The following SHLD2 variants were observed in gnomAD, a reference collection of about 807,000 sequenced individuals.
The protein encoded by SHLD2 is RINN1-REV7-interacting novel NHEJ regulator 2.
In SHLD2, 30 loss-of-function variants were observed where a neutral mutation model predicts 73.2. That is an observed-to-expected ratio of 0.41 (90% CI 0.31 to 0.56). The LOEUF (loss-of-function observed/expected upper bound fraction) is 0.56, where lower values mean the gene tolerates loss of function less well. SHLD2 is among the 20% of genes least tolerant of loss of function. The pLI is 0.28. For missense variants in SHLD2, 745 were observed against 1,055.9 expected, an observed-to-expected ratio of 0.71 and a Z score of 4.08; for synonymous variants, 285 against 370.1, an observed-to-expected ratio of 0.77 and a Z score of 2.64.
chr10:87,147,088 A>C (rs1476913683), intron 2 of SHLD2, among the ~76,000 whole-genome samples: 17 of 138,204 alleles, frequency 1.2e-4, no homozygotes, highest in African/African-American at 2.7e-4. Context: ...AAAAAAAAAA[A>C]CAAAAAAACC....
chr10:87,179,464 C>T (rs916924727), intron 7 of SHLD2, among the ~76,000 whole-genome samples: 2 of 150,394 alleles, frequency 1.3e-5, no homozygotes, highest in African/African-American at 2.5e-5. Context: ...TGCAGTGGTG[C>T]GATCTCGGCT....
chr10:87,102,204 C>T (rs1416272427), intron 2 of SHLD2, among the ~76,000 whole-genome samples: 3 of 152,090 alleles, frequency 2.0e-5, no homozygotes, highest in Non-Finnish European at 2.9e-5. Context: ...TAATAGATAA[C>T]CTATTACAAA....
chr10:87,111,470 CT>C (rs1310204915), intron 2 of SHLD2, among the ~76,000 whole-genome samples: 6 of 151,500 alleles, frequency 4.0e-5, no homozygotes, highest in Non-Finnish European at 7.4e-5. Context: ...GTGAAACCCC[CT>C]CTCTACTACA....
intron 2 of SHLD2, among the ~76,000 whole-genome samples, chr10:87,110,393 A>G (rs1369711946): frequency 1.3e-5 from 2 of 152,132 alleles, no homozygotes; most frequent in African/African-American, 4.8e-5. Context: ...GCGGATCACA[A>G]GGTCAAGAGT....
intron 2 of SHLD2, among the ~76,000 whole-genome samples, chr10:87,144,255 G>A (rs1845415963): frequency 6.6e-6 from 1 of 152,110 alleles, no homozygotes; most frequent in Admixed American, 6.6e-5. Flanking sequence ...AAATGCCCTG[G>A]AACAAGAGTG....
chr10:87,101,463 G>A (rs1842261191), intron 2 of SHLD2, among the ~76,000 whole-genome samples: 1 of 152,178 alleles, frequency 6.6e-6, no homozygotes, highest in Non-Finnish European at 1.5e-5. Flanking sequence ...GTCTTACTGT[G>A]TGGCCCAGTA....
At chr10:87,147,869 A>G (rs1037890235) in intron 2 of SHLD2, among the ~76,000 whole-genome samples, 1 of 146,698 alleles carries the variant, frequency 6.8e-6, no homozygotes. Context: ...AGCTCCTATC[A>G]CTTTTTTTTT....
At chr10:87,156,869 A>G (rs1846468331) in intron 3 of SHLD2, among the ~76,000 whole-genome samples, 1 of 152,110 alleles carries the variant, frequency 6.6e-6, no homozygotes, top group Non-Finnish European at 1.5e-5. Flanking sequence ...ATGCTCTGAT[A>G]TATCACTCGC....
At chr10:87,154,911 T>A (rs1846292102) in intron 3 of SHLD2, among the ~76,000 whole-genome samples, 1 of 152,116 alleles carries the variant, frequency 6.6e-6, no homozygotes, top group South Asian at 2.1e-4. Flanking sequence ...TGTACCTTGG[T>A]GTTCCTGTAG....
rs1334915850 is a variant in SHLD2, at chr10:87,112,471, C to G, written c.-6+15482C>G. The stretch of plus-strand genomic sequence containing the variant: ...CTTGAGCCCAGAAGTTAGAGACCAG[C>G]CTGGGCAACATAGGGAGATAGGCGT... On this transcript the variant is annotated intron_variant, in intron 2 of 9. Transcript: ENST00000298786. 2.6e-5 allele frequency among the ~76,000 whole-genome samples: 4 copies of G among 152,104 alleles called. No individual in the cohort carries two copies. In the East Asian group the frequency reaches 7.7e-4, roughly 29 times the overall value.
chr10:87,186,205 G>A (rs949489458), intron 8 of SHLD2, among the ~76,000 whole-genome samples: 20 of 152,266 alleles, frequency 1.3e-4, no homozygotes, highest in African/African-American at 3.1e-4. Context: ...TAGAGTCATC[G>A]TGTGAATAAA....
At chr10:87,117,279 C>T (rs1311995624) in intron 2 of SHLD2, among the ~76,000 whole-genome samples, 40 of 152,094 alleles carry the variant, frequency 2.6e-4, no homozygotes, top group African/African-American at 9.4e-4. Context: ...ATTAGCTGGG[C>T]GTGGTGGTGC....
intron 2 of SHLD2, among the ~76,000 whole-genome samples, chr10:87,112,281 A>G (rs866717860): frequency 2.0e-5 from 3 of 151,002 alleles, no homozygotes; most frequent in Middle Eastern, 3.5e-3. Context: ...ATATGTCTCC[A>G]AAGAAAATGT....
intron 2 of SHLD2, among the ~76,000 whole-genome samples, chr10:87,133,979 A>G (rs1214667077): frequency 6.6e-6 from 1 of 152,230 alleles, no homozygotes; most frequent in Non-Finnish European, 1.5e-5. Context: ...CAATGAGACA[A>G]ATACATTTCA....
intron 4 of SHLD2, among the ~76,000 whole-genome samples, chr10:87,166,969 G>T (rs201840107): frequency 6.6e-5 from 7 of 105,576 alleles, no homozygotes; most frequent in African/African-American, 1.4e-4. Context: ...GTGTGTGTGT[G>T]TGTGTGTGTG....
intron 6 of SHLD2, among the ~76,000 whole-genome samples, chr10:87,171,286 A>G (rs530540114): frequency 6.6e-6 from 1 of 152,268 alleles, no homozygotes; most frequent in South Asian, 2.1e-4. Context: ...AATTCTGGAG[A>G]AGCTTCTACA....
intron 2 of SHLD2, among the ~76,000 whole-genome samples, chr10:87,123,327 G>A (rs1428778435): frequency 1.3e-5 from 2 of 150,732 alleles, no homozygotes; most frequent in African/African-American, 4.9e-5. Flanking sequence ...TCTAAGTGAG[G>A]GTCTCACTCT....
intron 2 of SHLD2, among the ~76,000 whole-genome samples, chr10:87,150,061 ATTTT>A (rs569408745): frequency 1.7e-5 from 2 of 114,964 alleles, no homozygotes; most frequent in Admixed American, 9.1e-5. Context: ...AAAATGAGTA[ATTTT>A]TTTTTTTTTT....
chr10:87,110,285 G>T (rs1283049343), intron 2 of SHLD2, among the ~76,000 whole-genome samples: 1 of 148,882 alleles, frequency 6.7e-6, no homozygotes, highest in Non-Finnish European at 1.5e-5. Flanking sequence ...GAGAGACCCT[G>T]TCTCTCAAAA....
Sources: allele counts gnomAD v4.1 joint callset (sites outside exome capture counted in the v4.1 genomes callset), GRCh38; gene constraint gnomAD v4.1.1; transcripts MANE v1.5; gene names NCBI Gene and HGNC (gene_info 2026-07-23, HGNC 2026-07-21).